The following PFKFB3 variants were observed in gnomAD, a reference collection of about 807,000 sequenced individuals.
PFKFB3 encodes the protein 6-phosphofructo-2-kinase/fructose-2,6-bisphosphatase 3.
A neutral mutation model predicts 68.0 loss-of-function variants in PFKFB3; 33 were observed. The observed-to-expected ratio is 0.49, with a 90% CI of 0.37 to 0.65. The LOEUF (loss-of-function observed/expected upper bound fraction) is 0.65. Ranked by LOEUF, PFKFB3 falls within the 30% of genes least tolerant of loss-of-function variation. The pLI is 0.00. For synonymous variants in PFKFB3, 315 were observed against 288.2 expected (o/e 1.09, Z -0.94); for missense variants, 586 against 712.2 (o/e 0.82, Z 2.02).
chr10:6,278,751 G>T, the PFKFB3 span, among the ~76,000 whole-genome samples: 1 of 152,234 alleles, frequency 6.6e-6, no homozygotes, highest in Non-Finnish European at 1.5e-5. Context: ...TATCCTCTAG[G>T]ACTTAGCCTA....
chr10:6,227,310 C>CTCCACCCTCCAGGCCTGCCCCCA (rs1447713267), intron 14 of PFKFB3, among the ~76,000 whole-genome samples: 1 of 152,196 alleles, frequency 6.6e-6, no homozygotes, highest in African/African-American at 2.4e-5. Context: ...TCTGCCCTAC[C>CTCCACCCTCCAGGCCTGCCCCCA]TCCACCCTCC....
the PFKFB3 span, among the ~76,000 whole-genome samples, chr10:6,304,017 G>A: frequency 1.3e-5 from 2 of 152,014 alleles, no homozygotes; most frequent in Non-Finnish European, 2.9e-5. Flanking sequence ...AAAGGATCCT[G>A]GGTCCCTGAG....
chr10:6,192,700 T>C (rs1338482542), intron 1 of PFKFB3, among the ~76,000 whole-genome samples: 3 of 151,502 alleles, frequency 2.0e-5, no homozygotes, highest in South Asian at 2.1e-4. Flanking sequence ...TGTGTGTGTG[T>C]GTGTGTGTGT....
chr10:6,277,675 G>C, the PFKFB3 span: 1 of 337,548 alleles, frequency 3.0e-6, no homozygotes, highest in Non-Finnish European at 6.0e-6. Flanking sequence ...CTTCCCCTTT[G>C]CCTTCTGCCA....
At chr10:6,226,656 G>T (rs1172085201) in intron 14 of PFKFB3, among the ~76,000 whole-genome samples, 2 of 152,150 alleles carry the variant, frequency 1.3e-5, no homozygotes, top group Non-Finnish European at 2.9e-5. Flanking sequence ...GTCTTTACAG[G>T]GCAGAAGCAG....
At chr10:6,247,424 A>G (rs1458561778) in intron 14 of PFKFB3, among the ~76,000 whole-genome samples, 1 of 152,252 alleles carries the variant, frequency 6.6e-6, no homozygotes, top group East Asian at 1.9e-4. Context: ...AGGCCTGCAA[A>G]AACAACTGGG....
At chr10:6,151,514 T>C (rs1471077544) in intron 1 of PFKFB3, among the ~76,000 whole-genome samples, 3 of 151,986 alleles carry the variant, frequency 2.0e-5, no homozygotes, top group Non-Finnish European at 4.4e-5. Context: ...GCTACCTCTG[T>C]TTGAGGGGTG....
intron 1 of PFKFB3, among the ~76,000 whole-genome samples, chr10:6,158,364 C>A (rs1841870437): frequency 6.6e-6 from 1 of 152,090 alleles, no homozygotes; most frequent in Admixed American, 6.6e-5. Context: ...AAAGAAACTT[C>A]ACCTCTTTAG....
At chr10:6,303,408 A>G in the PFKFB3 span, among the ~76,000 whole-genome samples, 1 of 152,246 alleles carries the variant, frequency 6.6e-6, no homozygotes, top group Admixed American at 6.5e-5. Flanking sequence ...TTCAGAGTGC[A>G]ACGATGGTTT....
intron 1 of PFKFB3, among the ~76,000 whole-genome samples, chr10:6,168,375 C>T (rs539836391): frequency 5.9e-5 from 9 of 152,332 alleles, no homozygotes; most frequent in Admixed American, 2.6e-4. Context: ...CTTCAGTCAG[C>T]CTTCCTGGGT....
Position 6,228,328 on chromosome 10 carries a change from G to A in PFKFB3, c.1515+1963G>A. Reference sequence around the variant, plus strand: ...GGATGAGAGCAGTTTTGTGATGTGAGGTCTTCCGTGGGGGAAGGAGGAGAT... The same window carrying A: ...GGATGAGAGCAGTTTTGTGATGTGAAGTCTTCCGTGGGGGAAGGAGGAGAT... On this transcript the variant is annotated intron_variant, in intron 14 of 14. Transcript: ENST00000379775. The surrounding 1 kb of genome is among the most constrained non-coding windows in gnomAD (Gnocchi z 4.5). 8.5e-7 allele frequency: 1 copy of A among 1,180,134 alleles called. No homozygotes were observed. Among genetic ancestry groups the A allele is most frequent in the Non-Finnish European group, 1.3e-6 (1 of 791,128 alleles). 73.1% of individuals were successfully genotyped at this position (1,180,134 alleles called of 1,614,324 possible).
intron 1 of PFKFB3, among the ~76,000 whole-genome samples, chr10:6,180,827 G>T (rs1295702720): frequency 6.6e-6 from 1 of 152,118 alleles, no homozygotes; most frequent in Non-Finnish European, 1.5e-5. Flanking sequence ...TACTTTTAAT[G>T]ACCCAAACTA....
chr10:6,312,595 C>T, the PFKFB3 span, among the ~76,000 whole-genome samples: 1 of 152,194 alleles, frequency 6.6e-6, no homozygotes, highest in East Asian at 1.9e-4. Flanking sequence ...CTAAACACAC[C>T]TTCCAGAAAA....
intron 1 of PFKFB3, among the ~76,000 whole-genome samples, chr10:6,176,288 A>G (rs1175139292): frequency 6.6e-6 from 1 of 151,764 alleles, no homozygotes; most frequent in East Asian, 1.9e-4. Context: ...TGAGGTGGTG[A>G]TGGGAGGGGG....
At chr10:6,250,329 G>C (rs1846352279) in intron 14 of PFKFB3, among the ~76,000 whole-genome samples, 1 of 152,120 alleles carries the variant, frequency 6.6e-6, no homozygotes, top group East Asian at 1.9e-4. Flanking sequence ...ACTTTGGGAG[G>C]CCGAGGCGGG....
rs1845549514 is a variant in PFKFB3, at chr10:6,228,969, TCCC to T, written c.1515+2606_1515+2608del. 2.4e-6 allele frequency: 1 copy of T among 421,318 alleles called. No homozygotes were observed. Among genetic ancestry groups the T allele is most frequent in the Non-Finnish European group, 5.0e-6 (1 of 200,528 alleles). The allele number at this position is 421,318 out of a possible 1,614,324, so 26.1% of individuals were successfully genotyped here. A position where few individuals can be genotyped will look rare whatever the true frequency, so the allele number is the denominator to read the frequency against. On this transcript the variant is annotated intron_variant, in intron 14 of 14. Transcript: ENST00000379775. This position sits in a 1 kb window ranked among gnomAD's most constrained non-coding sequence, Gnocchi z 4.5. ...GTGTTCCCACTGCTCTGGGATCCCT[TCCC>T]CACCAGGAGCAGAGGCCTTCCTGCC...
chr10:6,288,857 C>T, the PFKFB3 span, among the ~76,000 whole-genome samples: 54 of 152,074 alleles, frequency 3.6e-4, no homozygotes, highest in Non-Finnish European at 6.0e-4. Context: ...ACATCCTCTC[C>T]AGCACCTGTT....
the PFKFB3 span, among the ~76,000 whole-genome samples, chr10:6,316,206 C>T: frequency 2.0e-5 from 3 of 149,218 alleles, no homozygotes; most frequent in East Asian, 2.0e-4. Flanking sequence ...GACTCACTGC[C>T]CAGCTGTGAA....
At position 6,181,796 on chromosome 10, in the gene PFKFB3, TAAA is replaced by T. The variant is rs60557537; in HGVS notation, c.17-31806_17-31804del. Among the ~76,000 whole-genome samples the T allele has an allele frequency of 8.9e-3, 1,011 of 114,128 alleles. 16 individuals are homozygous for T. Among genetic ancestry groups the T allele is most frequent in the African/African-American group, 0.027 (795 of 29,892 alleles). 74.9% of individuals were successfully genotyped at this position (114,128 alleles called of 152,430 possible). Reference sequence around the variant, plus strand: ...CTGGGCGATAGAGTAAGACTCCGTTTAAAAAAAAAAAAAAAAAAAAAAAGACAA... The same window carrying T: ...CTGGGCGATAGAGTAAGACTCCGTTTAAAAAAAAAAAAAAAAAAAAGACAA... On this transcript the variant is annotated intron_variant, in intron 1 of 14. Transcript: ENST00000379789.
Sources: allele counts gnomAD v4.1 joint callset (sites outside exome capture counted in the v4.1 genomes callset), GRCh38; gene constraint gnomAD v4.1.1; non-coding constraint Gnocchi (gnomAD v3.1); transcripts MANE v1.5; gene names NCBI Gene and HGNC (gene_info 2026-07-23, HGNC 2026-07-21).